Variants in EYA4 observed in about 807,000 individuals in gnomAD.
EYA4 encodes protein phosphatase EYA4.
EYA4 carries 31 observed loss-of-function variants against 87.9 expected under a neutral mutation model. The observed-to-expected ratio is 0.35, with a 90% confidence interval of 0.27 to 0.48. The LOEUF (loss-of-function observed/expected upper bound fraction) is 0.48. Ranked by LOEUF, EYA4 falls within the 20% of genes least tolerant of loss-of-function variation. EYA4 has a pLI of 0.99. For synonymous variants in EYA4, 263 were observed against 270.6 expected, an observed-to-expected ratio of 0.97 and a Z score of 0.28; for missense variants, 678 against 761.4, an observed-to-expected ratio of 0.89 and a Z score of 1.29.
At chr6:133,271,131 A>G (rs1776653571) in intron 1 of EYA4, among the ~76,000 whole-genome samples, 1 of 152,156 alleles carries the variant, frequency 6.6e-6, no homozygotes, top group African/African-American at 2.4e-5. Context: ...TTGATTCGTG[A>G]ACCCGTGAAT....
At chr6:133,484,871 C>T (rs1032759859) in intron 13 of EYA4, among the ~76,000 whole-genome samples, 1 of 152,214 alleles carries the variant, frequency 6.6e-6, no homozygotes, top group African/African-American at 2.4e-5. Context: ...TGGTAGAACT[C>T]ATCTTTTGGA....
At chr6:133,470,230 C>T (rs1476489871) in intron 11 of EYA4, among the ~76,000 whole-genome samples, 2 of 95,712 alleles carry the variant, frequency 2.1e-5, no homozygotes, top group African/African-American at 8.5e-5. Flanking sequence ...TTAGGTCTAA[C>T]GTTTAAATCT....
In EYA4 at chr6:133,530,780, T is replaced by C; in HGVS notation, c.*1975T>C. The stretch of plus-strand genomic sequence containing the variant: ...CTTAATCCTTTAAATTTTGTAGCTT[T>C]TGGCTGCATCTGCCCCAAGTACTAT... On this transcript the variant is annotated 3_prime_UTR_variant, in exon 20 of 20. Coordinates refer to ENST00000355286, the MANE Select transcript of EYA4 (RefSeq NM_004100.5). The C allele has an allele frequency of 1.0e-6, 1 of 987,682 alleles. No homozygotes were observed. Among genetic ancestry groups the C allele is most frequent in the Non-Finnish European group, 1.2e-6 (1 of 831,128 alleles). The allele number at this position is 987,682 out of a possible 1,614,324, so 61.2% of individuals were successfully genotyped here. A position where few individuals can be genotyped will look rare whatever the true frequency, so the allele number is the denominator to read the frequency against.
intron 3 of EYA4, among the ~76,000 whole-genome samples, chr6:133,433,836 C>T (rs1791404585): frequency 6.6e-6 from 1 of 152,198 alleles, no homozygotes; most frequent in Non-Finnish European, 1.5e-5. Flanking sequence ...TCACTCGGGT[C>T]CCAAATGCCA....
At chr6:133,431,642 C>T (rs547568651) in intron 3 of EYA4, among the ~76,000 whole-genome samples, 128 of 152,264 alleles carry the variant, frequency 8.4e-4, no homozygotes, top group African/African-American at 2.6e-3. Flanking sequence ...TCAGCAGGGA[C>T]AAATTACCAG....
intron 2 of EYA4, among the ~76,000 whole-genome samples, chr6:133,284,761 T>C (rs1777894878): frequency 6.6e-6 from 1 of 152,204 alleles, no homozygotes; most frequent in South Asian, 2.1e-4. Flanking sequence ...GGAGCACTGC[T>C]ATATTTGAAG....
intron 2 of EYA4, among the ~76,000 whole-genome samples, chr6:133,340,361 C>T (rs558798896): frequency 3.9e-5 from 6 of 152,258 alleles, no homozygotes; most frequent in African/African-American, 1.4e-4. Flanking sequence ...TGCCTCTTTT[C>T]ACATCTACAT....
At chr6:133,369,716 C>T (rs2128461322) in intron 2 of EYA4, among the ~76,000 whole-genome samples, 1 of 152,216 alleles carries the variant, frequency 6.6e-6, no homozygotes, top group Admixed American at 6.5e-5. Context: ...AAGTGTTTCT[C>T]CTACAGAAAT....
chr6:133,294,023 T>TTATATATATATATATATATATATATA (rs71771244), intron 2 of EYA4, among the ~76,000 whole-genome samples: 8 of 78,780 alleles, frequency 1.0e-4, no homozygotes, highest in East Asian at 6.6e-4. Flanking sequence ...TAGGGTGATT[T>TTATATATATATATATATATATATATA]TATATATATA....
rs1210619489 is a variant in EYA4 at position 133,450,537 on chromosome 6, T to C, written c.277+2358T>C. 2.0e-5 allele frequency among the ~76,000 whole-genome samples: 3 copies of C among 152,212 alleles called. No homozygotes were observed. In the East Asian group the frequency reaches 5.8e-4, roughly 29 times the overall value. ...TTATTTATTTAAGATGGAGTCTCAC[T>C]CTGTCTACCAGGCTGGAGTGCAGTG... is the stretch of plus-strand genomic sequence containing the variant. On this transcript the variant is annotated intron_variant, in intron 5 of 19. Transcript: ENST00000355286.
chr6:133,271,376 A>G (rs1776672630), intron 1 of EYA4, among the ~76,000 whole-genome samples: 1 of 152,180 alleles, frequency 6.6e-6, no homozygotes, highest in Non-Finnish European at 1.5e-5. Flanking sequence ...CTTTATCCAT[A>G]AAGTGAGTGC....
At chr6:133,386,419 G>T (rs1786755197) in intron 3 of EYA4, among the ~76,000 whole-genome samples, 1 of 151,976 alleles carries the variant, frequency 6.6e-6, no homozygotes, top group Admixed American at 6.6e-5. Context: ...ATGAGGTGAG[G>T]AAATAATTTA....
chr6:133,320,581 A>G (rs1182445137), intron 2 of EYA4, among the ~76,000 whole-genome samples: 1 of 152,000 alleles, frequency 6.6e-6, no homozygotes, highest in Non-Finnish European at 1.5e-5. Flanking sequence ...TTATATAGAC[A>G]TATTGTGTAA....
chr6:133,519,805 A>G (rs1429813744), intron 17 of EYA4, among the ~76,000 whole-genome samples: 3 of 151,030 alleles, frequency 2.0e-5, no homozygotes, highest in Non-Finnish European at 4.4e-5. Context: ...CCATGATCAA[A>G]TGGGCTTCAT....
chr6:133,259,489 TAC>T (rs1775618403), intron 1 of EYA4, among the ~76,000 whole-genome samples: 1 of 152,190 alleles, frequency 6.6e-6, no homozygotes, highest in Admixed American at 6.5e-5. Flanking sequence ...CTAATTCAGT[TAC>T]AGAGTCAGTG....
intron 2 of EYA4, among the ~76,000 whole-genome samples, chr6:133,366,746 A>G (rs1466384312): frequency 1.3e-5 from 2 of 152,200 alleles, no homozygotes; most frequent in Non-Finnish European, 2.9e-5. Flanking sequence ...TTCTATGTAG[A>G]TAACACATCA....
intron 3 of EYA4, among the ~76,000 whole-genome samples, chr6:133,411,754 G>A (rs1483124418): frequency 1.3e-5 from 2 of 152,042 alleles, no homozygotes; most frequent in Admixed American, 6.6e-5. Context: ...GGATATTTCT[G>A]TTCCTTTCAG....
At chr6:133,462,883 C>T (rs1345757526) in intron 9 of EYA4, 119 bp downstream of exon 9, 4 of 919,292 alleles carry the variant, frequency 4.4e-6, no homozygotes, top group Non-Finnish European at 7.0e-6. Context: ...ACAGCTCACA[C>T]AATTTCTAAA....
chr6:133,340,980 T>C (rs1441987604), intron 2 of EYA4, among the ~76,000 whole-genome samples: 4 of 152,180 alleles, frequency 2.6e-5, no homozygotes, highest in African/African-American at 9.7e-5. Flanking sequence ...GGCTTGCTAA[T>C]GGACTGGATT....
Sources: allele counts gnomAD v4.1 joint callset (sites outside exome capture counted in the v4.1 genomes callset), GRCh38; gene constraint gnomAD v4.1.1; transcripts MANE v1.5; gene names NCBI Gene and HGNC (gene_info 2026-07-23, HGNC 2026-07-21).